Variants in ATRX observed in about 807,000 individuals in gnomAD.
The protein encoded by ATRX is ATRX chromatin remodeler.
ATRX carries 12 observed loss-of-function variants against 172.6 expected under a neutral mutation model. That is an observed-to-expected ratio of 0.07 (90% CI 0.04 to 0.11). The LOEUF is 0.11. Ranked by LOEUF, ATRX falls within the 10% of genes least tolerant of loss-of-function variation. The pLI is 1.00. For missense variants in ATRX, 1,368 were observed against 1,767.4 expected (o/e 0.77, Z 4.05); for synonymous variants, 674 against 594.7 (o/e 1.13, Z -1.94).
chrX:77,685,202 T>C (rs2071483921), intron 7 of ATRX, among the ~76,000 whole-genome samples, 196 bp from the exon 8 acceptor site: 1 of 111,526 alleles, frequency 9.0e-6, no homozygotes, highest in Non-Finnish European at 1.9e-5. Context: ...TCACATCAAG[T>C]TAAAAAGCTT....
At chrX:77,637,872 G>A (rs1262458094) in intron 15 of ATRX, among the ~76,000 whole-genome samples, 21 of 100,691 alleles carry the variant, frequency 2.1e-4, no homozygotes, top group Admixed American at 1.1e-3. Context: ...ACCTGGCAGC[G>A]GAGGTTGCAA....
intron 30 of ATRX, among the ~76,000 whole-genome samples, chrX:77,553,012 C>T (rs782050897): frequency 9.0e-6 from 1 of 111,131 alleles, no homozygotes; most frequent in Admixed American, 9.6e-5. Flanking sequence ...AAATCATGGA[C>T]AAGAAGGAAG....
intron 21 of ATRX, among the ~76,000 whole-genome samples, chrX:77,617,134 T>C (rs1237113254): frequency 8.9e-6 from 1 of 112,041 alleles, no homozygotes; most frequent in Admixed American, 9.5e-5. Flanking sequence ...CAAAGTCTAA[T>C]GCAGTCTGAG....
At position 77,601,479 on chromosome X, in the gene ATRX, T is replaced by TA. The variant is rs577604717; in HGVS notation, c.5567-916dup. Among the ~76,000 whole-genome samples the TA allele has an allele frequency of 3.7e-3, 329 of 89,756 alleles. 3 individuals are homozygous for TA. The highest frequency in any genetic ancestry group is 9.2e-3 in the African/African-American group (227 of 24,647). The allele number at this position is 89,756 out of a possible 115,157, so 77.9% of individuals were successfully genotyped here. A position where few individuals can be genotyped will look rare whatever the true frequency, so the allele number is the denominator to read the frequency against. ...GATGAAAGAGCAAAACCTTGTCTCT[T>TA]AAAAAAAAAAAAAAAAGACCTTCCA... On this transcript the variant is annotated intron_variant, in intron 22 of 34. Coordinates refer to ENST00000373344, the MANE Select transcript of ATRX (RefSeq NM_000489.6).
intron 10 of ATRX, among the ~76,000 whole-genome samples, chrX:77,666,193 C>T (rs1420767273): frequency 8.9e-6 from 1 of 111,884 alleles, no homozygotes; most frequent in Non-Finnish European, 1.9e-5. Context: ...TCATCAATTG[C>T]TAAAGGAAGC....
chrX:77,597,173 AC>A (rs1417724134), intron 25 of ATRX, among the ~76,000 whole-genome samples: 1 of 110,832 alleles, frequency 9.0e-6, no homozygotes, highest in East Asian at 2.8e-4. Flanking sequence ...TTGATAGTAA[AC>A]TGTTTTATGG....
intron 30 of ATRX, among the ~76,000 whole-genome samples, chrX:77,542,992 C>T (rs894176973): frequency 2.7e-5 from 3 of 111,786 alleles, no homozygotes; most frequent in Non-Finnish European, 5.6e-5. Context: ...AGCTTCTGCA[C>T]AGCAAAAGAA....
chrX:77,770,672 G>A (rs1306792822), intron 1 of ATRX, among the ~76,000 whole-genome samples: 1 of 112,222 alleles, frequency 8.9e-6, no homozygotes, highest in African/African-American at 3.2e-5. Flanking sequence ...GACAAAGAGA[G>A]GCCACAGAAC....
intron 2 of ATRX, among the ~76,000 whole-genome samples, chrX:77,699,282 C>T (rs1375108756): frequency 9.0e-6 from 1 of 110,748 alleles, no homozygotes; most frequent in Non-Finnish European, 1.9e-5. Context: ...TACAGGCGCG[C>T]ACCACCACAC....
intron 20 of ATRX, 27 bp from the exon 21 acceptor site, chrX:77,619,008 CA>C: frequency 9.6e-7 from 1 of 1,045,356 alleles, no homozygotes; most frequent in Non-Finnish European, 1.3e-6. Flanking sequence ...TATTCATTAA[CA>C]ACATTAACAA....
At chrX:77,616,431 G>C in intron 22 of ATRX, 182 bp downstream of exon 22, 1 of 1,125,627 alleles carries the variant, frequency 8.9e-7, no homozygotes, top group South Asian at 2.0e-5. Flanking sequence ...TTTGCTTCTT[G>C]ATTTTAATTT....
At chrX:77,646,574 C>T (rs1314293789) in intron 15 of ATRX, among the ~76,000 whole-genome samples, 3 of 111,300 alleles carry the variant, frequency 2.7e-5, no homozygotes, top group African/African-American at 9.8e-5. Context: ...TCAATAAAAG[C>T]GTAAAACAAG....
chrX:77,657,302 C>A (rs1285636201), intron 12 of ATRX, among the ~76,000 whole-genome samples: 1 of 111,751 alleles, frequency 8.9e-6, no homozygotes, highest in Non-Finnish European at 1.9e-5. Flanking sequence ...AAATCAGGCT[C>A]TACATGTGGA....
chrX:77,697,477 TAACTC>T (rs1362740618), intron 4 of ATRX, 101 bp downstream of exon 4: 52 of 751,024 alleles, frequency 6.9e-5, no homozygotes, highest in Non-Finnish European at 9.7e-5. Flanking sequence ...ATAGAATAGT[TAACTC>T]AGAATAGTGG....
chrX:77,714,266 T>C (rs782021711), intron 2 of ATRX, among the ~76,000 whole-genome samples: 1 of 111,137 alleles, frequency 9.0e-6, no homozygotes, highest in South Asian at 3.8e-4. Context: ...TTCTACAGTC[T>C]CCAGAAAGGA....
At chrX:77,605,490 TA>T (rs1349624845) in intron 22 of ATRX, among the ~76,000 whole-genome samples, 7 of 108,527 alleles carry the variant, frequency 6.5e-5, no homozygotes, top group Non-Finnish European at 1.3e-4. Flanking sequence ...TAAGTAGTAA[TA>T]AAAAAAAACC....
chrX:77,680,162 A>G (rs1227449649), intron 9 of ATRX, among the ~76,000 whole-genome samples: 1 of 111,909 alleles, frequency 8.9e-6, no homozygotes, highest in Non-Finnish European at 1.9e-5. Context: ...TATAAAATAT[A>G]TAGTAACTTC....
At chrX:77,594,141 C>CG (rs2066386859) in intron 25 of ATRX, 1 of 213,707 alleles carries the variant, frequency 4.7e-6, no homozygotes. Flanking sequence ...GACAAACCCT[C>CG]GGGGTAGGAG....
At chrX:77,706,559 G>A (rs1235029337) in intron 2 of ATRX, among the ~76,000 whole-genome samples, 1 of 110,817 alleles carries the variant, frequency 9.0e-6, no homozygotes, top group Non-Finnish European at 1.9e-5. Flanking sequence ...AGCAACAAAA[G>A]GAAAAACAGA....
Sources: gnomAD v4.1 joint callset for allele counts (sites outside exome capture counted in the v4.1 genomes callset) on GRCh38, gnomAD v4.1.1 for gene constraint, MANE v1.5 for transcripts, NCBI Gene and HGNC (gene_info 2026-07-23, HGNC 2026-07-21) for gene names.